The following COL22A1 variants were observed in gnomAD, a reference collection of about 807,000 sequenced individuals.
COL22A1 encodes collagen alpha-1(XXII) chain.
In COL22A1, 221 loss-of-function variants were observed where a neutral mutation model predicts 248.9. The ratio of observed to expected loss-of-function variants is 0.89; its 90% confidence interval spans 0.80 to 0.99. The LOEUF is 0.99. Among genes scored for constraint, COL22A1 ranks in the 50% least tolerant of loss-of-function variants. COL22A1 has a pLI of 0.00. For synonymous variants in COL22A1, 891 were observed against 793.4 expected (o/e 1.12, Z -2.07); for missense variants, 2,240 against 2,179.0 (o/e 1.03, Z -0.56).
intron 16 of COL22A1, among the ~76,000 whole-genome samples, chr8:138,768,570 T>C (rs1327654073): frequency 6.6e-5 from 10 of 152,224 alleles, no homozygotes; most frequent in African/African-American, 2.4e-4. Flanking sequence ...CTTCATTTGT[T>C]GTTTTTTGGT....
intron 3 of COL22A1, among the ~76,000 whole-genome samples, chr8:138,863,164 C>A (rs1822614613): frequency 6.6e-6 from 1 of 152,294 alleles, no homozygotes; most frequent in South Asian, 2.1e-4. Context: ...CTTGCCGGCT[C>A]CCCGTTTCTT....
intron 12 of COL22A1, among the ~76,000 whole-genome samples, chr8:138,791,514 A>C (rs138261455): frequency 1.3e-5 from 2 of 152,274 alleles, no homozygotes; most frequent in Admixed American, 1.3e-4. Context: ...AAACCAAATA[A>C]AGACATCTGG....
chr8:138,856,617 A>G (rs1822039505), intron 3 of COL22A1, among the ~76,000 whole-genome samples: 1 of 142,918 alleles, frequency 7.0e-6, no homozygotes, highest in Non-Finnish European at 1.5e-5. Context: ...AGAGAGAGAG[A>G]GGAGCAGAGA....
At chr8:138,673,042 C>T (rs368134090) in intron 41 of COL22A1, among the ~76,000 whole-genome samples, 1 of 152,136 alleles carries the variant, frequency 6.6e-6, no homozygotes, top group East Asian at 1.9e-4. Context: ...CAAGCCAAAA[C>T]CCCAAACAAT....
chr8:138,835,771 G>C (rs1820383013), intron 4 of COL22A1, among the ~76,000 whole-genome samples: 1 of 152,210 alleles, frequency 6.6e-6, no homozygotes. Context: ...GTGTGGCCTT[G>C]AGTACGAGCC....
chr8:138,742,168 G>A (rs1326589835), intron 22 of COL22A1, among the ~76,000 whole-genome samples: 1 of 151,944 alleles, frequency 6.6e-6, no homozygotes, highest in Admixed American at 6.6e-5. Flanking sequence ...AGTTGATGGT[G>A]ATGGTGATGG....
At chr8:138,854,864 G>A (rs957652776) in intron 3 of COL22A1, among the ~76,000 whole-genome samples, 7 of 152,036 alleles carry the variant, frequency 4.6e-5, no homozygotes, top group Admixed American at 2.6e-4. Context: ...GGATGAGGTG[G>A]TGCTGATGGC....
chr8:138,755,123 A>G (rs1563716873), intron 21 of COL22A1, 34 bp downstream of exon 21: 2 of 1,610,314 alleles, frequency 1.2e-6, no homozygotes, highest in South Asian at 2.2e-5. Context: ...AGAAGCGTGC[A>G]GAGCAAACCC....
intron 43 of COL22A1, among the ~76,000 whole-genome samples, chr8:138,661,079 TACAC>T (rs1823912331): frequency 1.0e-5 from 1 of 95,898 alleles, no homozygotes; most frequent in Non-Finnish European, 2.1e-5. Context: ...TACACATACA[TACAC>T]ACAAACATAC....
chr8:138,879,837 T>TAAAACAAAAC (rs146542704), intron 2 of COL22A1, among the ~76,000 whole-genome samples: 6,030 of 150,004 alleles, frequency 0.04, 363 homozygotes, highest in African/African-American at 0.13. Context: ...CATTTGGCTA[T>TAAAACAAAAC]AAAACAAAAC....
At chr8:138,607,248 T>G (rs1030938208) in intron 57 of COL22A1, among the ~76,000 whole-genome samples, 5 of 152,162 alleles carry the variant, frequency 3.3e-5, no homozygotes, top group Non-Finnish European at 7.4e-5. Context: ...GACAGTTGGC[T>G]CACACCTTGC....
At chr8:138,794,247 C>G (rs1816304520) in intron 12 of COL22A1, among the ~76,000 whole-genome samples, 2 of 152,056 alleles carry the variant, frequency 1.3e-5, no homozygotes, top group Admixed American at 1.3e-4. Flanking sequence ...ATTAGCTGAG[C>G]ATGGTGATGC....
intron 18 of COL22A1, 30 bp from the exon 19 acceptor site, chr8:138,755,859 A>T: frequency 1.2e-6 from 2 of 1,607,528 alleles, no homozygotes; most frequent in South Asian, 2.2e-5. Context: ...ATTTCAGCAT[A>T]GTTACTGGTG....
At chr8:138,838,169 C>A (rs772941840) in intron 4 of COL22A1, among the ~76,000 whole-genome samples, 1 of 152,154 alleles carries the variant, frequency 6.6e-6, no homozygotes, top group Admixed American at 6.5e-5. Flanking sequence ...AATTTCTCAG[C>A]CCCTTAAGCC....
intron 60 of COL22A1, 38 bp from the exon 61 acceptor site, chr8:138,598,936 G>C (rs746935780): frequency 6.2e-7 from 1 of 1,605,758 alleles, no homozygotes; most frequent in South Asian, 1.1e-5. Context: ...GTGTCTCAGG[G>C]CTGGAAGCTG....
intron 1 of COL22A1, among the ~76,000 whole-genome samples, chr8:138,908,376 G>A (rs1160631629): frequency 6.6e-6 from 1 of 152,202 alleles, no homozygotes; most frequent in Non-Finnish European, 1.5e-5. Flanking sequence ...AGATACTGTT[G>A]CACTTGTAAA....
chr8:138,602,961 CT>C (rs1332212105), intron 59 of COL22A1, among the ~76,000 whole-genome samples: 1 of 152,210 alleles, frequency 6.6e-6, no homozygotes, highest in Non-Finnish European at 1.5e-5. Context: ...GTCTGCCTGC[CT>C]CTTAGACAGC....
chr8:138,878,935 G>T (rs955520161), intron 2 of COL22A1, among the ~76,000 whole-genome samples: 1 of 152,112 alleles, frequency 6.6e-6, no homozygotes, highest in Non-Finnish European at 1.5e-5. Context: ...GTGAACCCGG[G>T]AGGCGGAGCT....
intron 24 of COL22A1, 109 bp downstream of exon 24, chr8:138,725,278 G>A (rs12545759): frequency 0.5 from 580,765 of 1,153,004 alleles, 148,941 homozygotes; most frequent in East Asian, 0.75. Flanking sequence ...TTTTGCACTG[G>A]ACTTGGGTGG....
Sources: allele counts gnomAD v4.1 joint callset (sites outside exome capture counted in the v4.1 genomes callset), GRCh38; gene constraint gnomAD v4.1.1; transcripts MANE v1.5; gene names NCBI Gene and HGNC (gene_info 2026-07-23, HGNC 2026-07-21).